The following RNF38 variants were observed in gnomAD, a reference collection of about 807,000 sequenced individuals.
RNF38 encodes the protein ring finger protein 38, also known as E3 ubiquitin-protein ligase RNF38.
Under a neutral mutation model 67.2 loss-of-function variants are expected in RNF38, and 15 were observed. The observed-to-expected ratio is 0.22, with a 90% CI of 0.15 to 0.34. The LOEUF (loss-of-function observed/expected upper bound fraction) is 0.34. Among genes scored for constraint, RNF38 ranks in the 10% least tolerant of loss-of-function variants. RNF38 has a pLI of 1.00. For missense variants in RNF38, 524 were observed against 639.9 expected, an observed-to-expected ratio of 0.82 and a Z score of 1.95; for synonymous variants, 220 against 218.8, an observed-to-expected ratio of 1.01 and a Z score of -0.05.
At chr9:36,369,995 T>C (rs1835256696) in intron 3 of RNF38, 63 bp from the exon 4 acceptor site, 1 of 1,351,700 alleles carries the variant, frequency 7.4e-7, no homozygotes, top group African/African-American at 1.5e-5. Context: ...TTCTGTATTG[T>C]CTTTCTTTGA....
chr9:36,370,017 A>G, intron 3 of RNF38, 85 bp from the exon 4 acceptor site: 1 of 1,087,840 alleles, frequency 9.2e-7, no homozygotes. Flanking sequence ...ATCTATCAAT[A>G]GTATATGCTA....
intron 8 of RNF38, among the ~76,000 whole-genome samples, chr9:36,351,418 T>C (rs972220820): frequency 6.6e-6 from 1 of 152,204 alleles, no homozygotes; most frequent in Non-Finnish European, 1.5e-5. Flanking sequence ...ATAAGAAGAT[T>C]AGAAGACTCA....
intron 3 of RNF38, among the ~76,000 whole-genome samples, chr9:36,374,724 C>T (rs116875218): frequency 0.039 from 5,871 of 152,270 alleles, 206 homozygotes; most frequent in Admixed American, 0.12. Flanking sequence ...CCTCGTGATC[C>T]GCCAACCTTG....
At chr9:36,476,171 C>T (rs1047339720) in intron 1 of RNF38, among the ~76,000 whole-genome samples, 18 of 152,122 alleles carry the variant, frequency 1.2e-4, no homozygotes, top group Non-Finnish European at 1.8e-4. Flanking sequence ...GCCACCCAGG[C>T]TAGAGTGCAG....
intron 1 of RNF38, among the ~76,000 whole-genome samples, chr9:36,460,311 T>C (rs1052389890): frequency 6.6e-5 from 10 of 152,186 alleles, no homozygotes; most frequent in African/African-American, 1.9e-4. Flanking sequence ...CATAGACTAA[T>C]TTAAACTTTA....
At chr9:36,408,595 A>G (rs1838240917) in intron 2 of RNF38, among the ~76,000 whole-genome samples, 1 of 152,150 alleles carries the variant, frequency 6.6e-6, no homozygotes. Context: ...GGCCCAAACT[A>G]TAATCTAGGA....
At chr9:36,457,665 T>C (rs751516147) in intron 1 of RNF38, among the ~76,000 whole-genome samples, 3 of 152,184 alleles carry the variant, frequency 2.0e-5, no homozygotes, top group African/African-American at 4.8e-5. Flanking sequence ...CCCAGCACTT[T>C]TGGAGACTGA....
intron 2 of RNF38, among the ~76,000 whole-genome samples, chr9:36,386,052 T>C (rs1836608551): frequency 1.3e-5 from 2 of 152,202 alleles, no homozygotes; most frequent in South Asian, 4.1e-4. Context: ...TAAACAAACT[T>C]ATTTATCGTT....
Position 36,390,460 on chromosome 9 carries a change from T to C in RNF38, c.162+7A>G, listed in dbSNP as rs1243069733. 2 of 1,610,962 alleles carry C rather than the reference T, an allele frequency of 1.2e-6. No individual in the cohort carries two copies. Among genetic ancestry groups the C allele is most frequent in the Non-Finnish European group, 1.7e-6 (2 of 1,178,888 alleles). On this transcript the variant is annotated splice_region_variant and intron_variant, in intron 2 of 11. Transcript: ENST00000259605. Reference sequence around the variant, plus strand: ...CCTATGTAGGGAAAGGGTAAATATATAAGAACCTGGAAGAAAGCTTTGAAG... The same window carrying C: ...CCTATGTAGGGAAAGGGTAAATATACAAGAACCTGGAAGAAAGCTTTGAAG...
rs373048334 is a variant in RNF38 at position 36,455,063 on chromosome 9, C to CT, written n.242-30381dup. Among the ~76,000 whole-genome samples the CT allele has an allele frequency of 2.0e-3, 297 of 146,488 alleles. 2 individuals carry two copies. In the East Asian group the frequency reaches 0.029, roughly 14 times the overall value. On this transcript the variant is annotated intron_variant and non_coding_transcript_variant, in intron 1 of 3. Transcript: ENST00000488058. Reference sequence around the variant, plus strand: ...AGAACATAAACTGCAAATGCAATCTCTTTTTTTTTTTTCTGAGACACAGTC... The same window carrying CT: ...AGAACATAAACTGCAAATGCAATCTCTTTTTTTTTTTTTCTGAGACACAGTC...
chr9:36,416,080 T>C (rs993471270), intron 2 of RNF38, among the ~76,000 whole-genome samples: 4 of 151,520 alleles, frequency 2.6e-5, no homozygotes, highest in Non-Finnish European at 4.4e-5. Context: ...CAAGATATTA[T>C]GTGTTTTGTT....
intron 1 of RNF38, among the ~76,000 whole-genome samples, chr9:36,445,440 T>C (rs969702250): frequency 6.6e-6 from 1 of 152,270 alleles, no homozygotes; most frequent in African/African-American, 2.4e-5. Context: ...TTCTTTTTCA[T>C]ATTAATAATT....
upstream of RNF38, chr9:36,400,822 C>T (rs1837964045): frequency 8.1e-6 from 8 of 985,216 alleles, no homozygotes; most frequent in Non-Finnish European, 9.6e-6. Flanking sequence ...CCATCCTCTC[C>T]GCCCCCACGC....
chr9:36,416,453 C>T (rs994912861), intron 2 of RNF38, among the ~76,000 whole-genome samples: 2 of 152,128 alleles, frequency 1.3e-5, no homozygotes, highest in African/African-American at 4.8e-5. Context: ...GCTACAAAAG[C>T]CCCTGCTGAG....
chr9:36,446,279 T>C (rs1395336421), intron 1 of RNF38, among the ~76,000 whole-genome samples: 1 of 152,110 alleles, frequency 6.6e-6, no homozygotes, highest in Admixed American at 6.6e-5. Context: ...GTTCCTGGAG[T>C]TTGAAGGAAA....
intron 2 of RNF38, among the ~76,000 whole-genome samples, chr9:36,413,211 C>T (rs1300813258): frequency 6.7e-6 from 1 of 149,420 alleles, no homozygotes; most frequent in Non-Finnish European, 1.5e-5. Flanking sequence ...GCCTGGGCAA[C>T]AGAGCAAGAC....
At chr9:36,400,596 C>A (rs1837941031), upstream of RNF38, 15 of 986,246 alleles carry the variant, frequency 1.5e-5, no homozygotes, top group Non-Finnish European at 1.8e-5. Flanking sequence ...TCCCGCGGAT[C>A]CTCGCTGGGC....
intron 8 of RNF38, 27 bp from the exon 9 acceptor site, chr9:36,351,226 T>C (rs1833665118): frequency 3.3e-6 from 5 of 1,504,448 alleles, no homozygotes; most frequent in Non-Finnish European, 4.6e-6. Flanking sequence ...CACACTAGCA[T>C]TGATATGTTA....
At chr9:36,461,425 A>C (rs1488581901) in intron 1 of RNF38, among the ~76,000 whole-genome samples, 1 of 152,344 alleles carries the variant, frequency 6.6e-6, no homozygotes, top group African/African-American at 2.4e-5. Context: ...CTGAGTACTC[A>C]AAGGGTAGAA....
Sources: gnomAD v4.1 joint callset for allele counts (sites outside exome capture counted in the v4.1 genomes callset) on GRCh38, gnomAD v4.1.1 for gene constraint, MANE v1.5 for transcripts, NCBI Gene and HGNC (gene_info 2026-07-23, HGNC 2026-07-21) for gene names.